LMX1A: variants seen among roughly 807,000 people sequenced by gnomAD.
LMX1A encodes LIM homeobox transcription factor 1 alpha, also known as LIM homeobox transcription factor 1-alpha.
A neutral mutation model predicts 49.1 loss-of-function variants in LMX1A; 15 were observed. That is an observed-to-expected ratio of 0.31 (90% CI 0.20 to 0.47). The LOEUF (loss-of-function observed/expected upper bound fraction) is 0.47. Ranked by LOEUF, LMX1A falls within the 20% of genes least tolerant of loss-of-function variation. The pLI, the probability that LMX1A is intolerant of heterozygous loss-of-function variation, is 1.00. For synonymous variants in LMX1A, 167 were observed against 185.7 expected (o/e 0.90, Z 0.82); for missense variants, 372 against 475.8 (o/e 0.78, Z 2.03).
At position 165,355,638 on chromosome 1, in the gene LMX1A, A is replaced by T; in HGVS notation, c.-22-57T>A. The T allele has an allele frequency of 7.5e-7, 1 of 1,334,164 alleles. No homozygotes were observed. 82.6% of individuals were successfully genotyped at this position (1,334,164 alleles called of 1,614,324 possible). A position where few individuals can be genotyped will look rare whatever the true frequency, so the allele number is the denominator to read the frequency against. On this transcript the variant is annotated intron_variant, in intron 1 of 8. Coordinates refer to ENST00000342310, the MANE Select transcript of LMX1A (RefSeq NM_177398.4). The surrounding 1 kb of genome is among the most constrained non-coding windows in gnomAD (Gnocchi z 4.7). ...TCCGTGCCCGCTGGGACTCGGCGCC[A>T]GCAGCCACCGCACTCCTGGGAAAGA...
intron 4 of LMX1A, among the ~76,000 whole-genome samples, chr1:165,217,570 C>T (rs1039665750): frequency 6.6e-6 from 1 of 152,230 alleles, no homozygotes; most frequent in Non-Finnish European, 1.5e-5. Context: ...TCCAGGACCC[C>T]TGCATATACT....
intron 4 of LMX1A, among the ~76,000 whole-genome samples, chr1:165,231,522 G>A (rs1487550528): frequency 2.6e-5 from 4 of 152,124 alleles, no homozygotes; most frequent in Non-Finnish European, 4.4e-5. Flanking sequence ...GGCTTCAAGT[G>A]ACCTTCCAGC....
chr1:165,218,251 G>A (rs1396451591), intron 4 of LMX1A, among the ~76,000 whole-genome samples: 2 of 152,218 alleles, frequency 1.3e-5, no homozygotes, highest in Non-Finnish European at 2.9e-5. Context: ...CTGATGGTTA[G>A]CATGGTTTGA....
At position 165,202,609 on chromosome 1, in the gene LMX1A, C is replaced by A. The variant is rs1476259208; in HGVS notation, c.*1271G>T. 1 of 152,052 alleles carries A rather than the reference C, an allele frequency of 6.6e-6. No individual in the cohort carries two copies. The highest frequency in any genetic ancestry group is 1.5e-5 in the Non-Finnish European group (1 of 68,000). The allele number at this position is 152,052 out of a possible 1,614,324, so 9.4% of individuals were successfully genotyped here. On this transcript the variant is annotated 3_prime_UTR_variant, in exon 9 of 9. Coordinates refer to ENST00000342310, the MANE Select transcript of LMX1A (RefSeq NM_177398.4). ...CCTCAAAAAAAAAGTAAAAACCATT[C>A]TTTGCTGGCAAGCCATAGAAAGCAG...
intron 3 of LMX1A, among the ~76,000 whole-genome samples, chr1:165,326,014 G>A (rs551039135): frequency 5.6e-3 from 205 of 36,834 alleles, no homozygotes; most frequent in Non-Finnish European, 0.017. Flanking sequence ...GGGGCTCCCC[G>A]GCACTGCCCT....
intron 4 of LMX1A, among the ~76,000 whole-genome samples, chr1:165,217,744 C>T (rs1313025897): frequency 6.6e-6 from 1 of 152,186 alleles, no homozygotes; most frequent in East Asian, 1.9e-4. Context: ...TGGACTTGCA[C>T]AGTTCAAATC....
At chr1:165,343,569 A>T (rs931568300) in intron 3 of LMX1A, among the ~76,000 whole-genome samples, 1 of 152,194 alleles carries the variant, frequency 6.6e-6, no homozygotes, top group Non-Finnish European at 1.5e-5. Flanking sequence ...ACCTGTTGAC[A>T]ATAGGACATG....
At chr1:165,313,471 C>CTTTTTTTTTTTTTTTT (rs34912339) in intron 3 of LMX1A, among the ~76,000 whole-genome samples, 62 of 114,804 alleles carry the variant, frequency 5.4e-4, no homozygotes, top group Non-Finnish European at 6.8e-4. Context: ...CACCTTCTTC[C>CTTTTTTTTTTTTTTTT]TTTTTTTTTT....
intron 4 of LMX1A, among the ~76,000 whole-genome samples, chr1:165,229,727 T>G (rs1652173104): frequency 6.6e-6 from 1 of 152,142 alleles, no homozygotes; most frequent in South Asian, 2.1e-4. Context: ...TTTTTTGTTT[T>G]TTTGTTTTTT....
chr1:165,303,892 C>T (rs75559648), intron 3 of LMX1A, among the ~76,000 whole-genome samples: 2,580 of 152,196 alleles, frequency 0.017, 43 homozygotes, highest in Non-Finnish European at 0.023. Context: ...ATATCTTCCA[C>T]GCAGATATTA....
chr1:165,268,462 C>T (rs567517535), intron 3 of LMX1A, among the ~76,000 whole-genome samples: 3 of 152,282 alleles, frequency 2.0e-5, no homozygotes, highest in Admixed American at 6.5e-5. Flanking sequence ...ACATGCATAA[C>T]GTTGAGGCCT....
At chr1:165,241,601 G>A (rs1027223424) in intron 4 of LMX1A, among the ~76,000 whole-genome samples, 2 of 151,270 alleles carry the variant, frequency 1.3e-5, no homozygotes, top group African/African-American at 2.4e-5. Flanking sequence ...ACTACAATAC[G>A]GAGGATGAGA....
chr1:165,276,714 A>T (rs976962634), intron 3 of LMX1A, among the ~76,000 whole-genome samples: 2 of 152,218 alleles, frequency 1.3e-5, no homozygotes, highest in African/African-American at 4.8e-5. Context: ...GGAAGAAATA[A>T]ACTCAGACCT....
At chr1:165,309,512 A>G (rs560113111) in intron 3 of LMX1A, among the ~76,000 whole-genome samples, 2 of 152,188 alleles carry the variant, frequency 1.3e-5, no homozygotes, top group Admixed American at 1.3e-4. Flanking sequence ...GCAACTGTCT[A>G]TATAGTGGCT....
In LMX1A at chr1:165,249,509, C is replaced by T. The variant is rs1377407516; in HGVS notation, c.395G>A (p.Gly132Asp). The T allele has an allele frequency of 1.9e-6, 3 of 1,614,106 alleles. No individual in the cohort carries two copies. In the African/African-American group the frequency reaches 4.0e-5, roughly 22 times the overall value. ...CCVCERQLQK[G>D]DEFVLKEGQL... Reference sequence around the variant, plus strand: ...CCCCTCCTTCAGGACAAACTCATCACCCTTCTGAAGCTGTCGCTCGCAGAC... The same window carrying T: ...CCCCTCCTTCAGGACAAACTCATCATCCTTCTGAAGCTGTCGCTCGCAGAC... Residue 132 changes from glycine (G) to aspartate (D), a missense_variant, in exon 4 of 9, where the codon GGT becomes GAT. Around this residue, in one of 3 missense-constraint regions of LMX1A, gnomAD observed 199 missense variants for 244.0 expected, o/e 0.82. Coordinates refer to ENST00000342310, the MANE Select transcript of LMX1A (RefSeq NM_177398.4).
rs1287206847 is a variant in LMX1A, at chr1:165,355,210, CTTGCCACTCAG to C, written c.76+263_76+273del. On this transcript the variant is annotated intron_variant, in intron 2 of 8. Coordinates refer to ENST00000342310, the MANE Select transcript of LMX1A (RefSeq NM_177398.4). This position sits in a 1 kb window ranked among gnomAD's most constrained non-coding sequence, Gnocchi z 4.7. Reference sequence around the variant, plus strand: ...ATCCAGCCCTGGGTATTTTTAATCACTTGCCACTCAGACGCCTACGAACAAGCTCGCCCGCC... The same window carrying C: ...ATCCAGCCCTGGGTATTTTTAATCACACGCCTACGAACAAGCTCGCCCGCC... 1.3e-5 allele frequency among the ~76,000 whole-genome samples: 2 copies of C among 152,136 alleles called. No individual in the cohort carries two copies. The highest frequency in any genetic ancestry group is 2.9e-5 in the Non-Finnish European group (2 of 68,030).
At chr1:165,350,347 C>T (rs1027997003) in intron 3 of LMX1A, among the ~76,000 whole-genome samples, 9 of 152,156 alleles carry the variant, frequency 5.9e-5, no homozygotes, top group African/African-American at 1.7e-4. Context: ...TAGTCCTACA[C>T]TCTAAATGGA....
intron 4 of LMX1A, among the ~76,000 whole-genome samples, chr1:165,228,394 C>T (rs1652110910): frequency 6.6e-6 from 1 of 152,150 alleles, no homozygotes; most frequent in African/African-American, 2.4e-5. Flanking sequence ...ATTTTCTCAC[C>T]TGGTCCGTTT....
chr1:165,311,683 G>T (rs1655080659), intron 3 of LMX1A, among the ~76,000 whole-genome samples: 1 of 152,198 alleles, frequency 6.6e-6, no homozygotes, highest in Non-Finnish European at 1.5e-5. Context: ...CTAAACTGTA[G>T]CCCCAGCTTT....
Sources: gnomAD v4.1 joint callset for allele counts (sites outside exome capture counted in the v4.1 genomes callset) on GRCh38, gnomAD v4.1.1 for gene constraint, gnomAD v4.1.1 regional missense constraint, Gnocchi (gnomAD v3.1) non-coding constraint, MANE v1.5 for transcripts, NCBI Gene and HGNC (gene_info 2026-07-23, HGNC 2026-07-21) for gene names.